Variants in UTP4 observed in about 807,000 individuals in gnomAD.
UTP4 encodes UTP4 small subunit processome component.
Under a neutral mutation model 82.4 loss-of-function variants are expected in UTP4, and 45 were observed. The ratio of observed to expected loss-of-function variants is 0.55; its 90% CI spans 0.43 to 0.70. The LOEUF (loss-of-function observed/expected upper bound fraction) is 0.70, where lower values mean the gene tolerates loss of function less well. UTP4 is among the 30% of genes least tolerant of loss of function. UTP4 has a pLI of 0.00. For synonymous variants in UTP4, 348 were observed against 300.3 expected, an observed-to-expected ratio of 1.16 and a Z score of -1.64; for missense variants, 819 against 858.3, an observed-to-expected ratio of 0.95 and a Z score of 0.57.
At chr16:69,141,882 CAATGTGCAG>C (rs1207584673) in intron 5 of UTP4, among the ~76,000 whole-genome samples, 1 of 151,444 alleles carries the variant, frequency 6.6e-6, no homozygotes, top group African/African-American at 2.4e-5. Flanking sequence ...TACATGTGCA[CAATGTGCAG>C]GTTAGTTACA....
At chr16:69,137,177 T>G (rs546480429) in intron 3 of UTP4, among the ~76,000 whole-genome samples, 142 of 152,338 alleles carry the variant, frequency 9.3e-4, no homozygotes, top group African/African-American at 3.3e-3. Flanking sequence ...GTTTGTTTTG[T>G]GTTTTATGGT....
At chr16:69,150,961 CT>C (rs1963247006) in intron 8 of UTP4, 57 bp downstream of exon 8, 4 of 1,331,578 alleles carry the variant, frequency 3.0e-6, no homozygotes, top group South Asian at 2.3e-5. Context: ...CTGTGTCCCC[CT>C]GTCCCACAAG....
At chr16:69,168,670 C>T (rs1963763626) in intron 16 of UTP4, 151 bp from the exon 17 acceptor site, 2 of 706,864 alleles carry the variant, frequency 2.8e-6, no homozygotes, top group South Asian at 1.6e-5. Flanking sequence ...ATTTTGAGTC[C>T]CAGGGCAGGA....
chr16:69,157,128 G>C lies in UTP4; in HGVS notation c.1332G>C (p.Leu444Phe). The C allele has an allele frequency of 1.2e-6, 2 of 1,614,160 alleles. No homozygotes were observed. The highest frequency in any genetic ancestry group is 1.7e-6 in the Non-Finnish European group (2 of 1,180,028). ...PAFLRSALQI[L>F]FSEDSTKLFV... ...TCCTTCGCTCTGCCCTTCAGATTTT[G>C]TTTTCTGAAGATTCAACAAAGCTCT... Residue 444 changes from leucine to phenylalanine, a missense_variant, in exon 12 of 17, where the codon TTG becomes TTC. Leu to Phe is a conservative substitution (Grantham distance 22). Transcript: ENST00000314423.
chr16:69,168,613 G>T (rs1356797548), intron 16 of UTP4, among the ~76,000 whole-genome samples: 1 of 151,906 alleles, frequency 6.6e-6, no homozygotes, highest in African/African-American at 2.4e-5. Context: ...AGGCAACATA[G>T]CAAGATCTCT....
intron 2 of UTP4, among the ~76,000 whole-genome samples, chr16:69,136,264 C>T (rs1317809813): frequency 6.6e-6 from 1 of 152,220 alleles, no homozygotes; most frequent in African/African-American, 2.4e-5. Flanking sequence ...TGCAGTGGCT[C>T]ACGCCTATAA....
rs1359608661 is a variant in UTP4 at position 69,133,488 on chromosome 16, G to A, written c.29G>A (p.Arg10His). MGEFKVHRV[R>H]FFNYVPSGIR... ...GGTGAATTTAAGGTCCATCGAGTAC[G>A]TTTCTTTAATTATGTTCCATCAGGA... The change falls in exon 2 of 17, where the codon CGT becomes CAT. Residue 10 changes from arginine (R) to histidine (H), a missense_variant. Physicochemically the swap from Arg to His is conservative, Grantham distance 29. Transcript: ENST00000314423. 5 of 1,614,010 alleles carry A rather than the reference G, an allele frequency of 3.1e-6. No homozygotes were observed. The highest frequency in any genetic ancestry group is 1.6e-4 in the Middle Eastern group (1 of 6,084).
chr16:69,166,582 C>T (rs1463296535), intron 15 of UTP4: 1 of 157,122 alleles, frequency 6.4e-6, no homozygotes, highest in Non-Finnish European at 1.4e-5. Context: ...TCAGTGACAT[C>T]AGCACAGGTG....
At chr16:69,134,393 G>A (rs1042864129) in intron 2 of UTP4, among the ~76,000 whole-genome samples, 7 of 151,852 alleles carry the variant, frequency 4.6e-5, no homozygotes, top group South Asian at 2.1e-4. Context: ...CTAACTTTAC[G>A]GAGCTCAAAG....
chr16:69,146,779 G>A (rs550016474), intron 6 of UTP4, among the ~76,000 whole-genome samples: 10 of 151,066 alleles, frequency 6.6e-5, no homozygotes, highest in Non-Finnish European at 1.5e-4. Flanking sequence ...GGTGGATCAC[G>A]AGGTCAGGAG....
At chr16:69,159,847 G>C (rs578148935) in intron 12 of UTP4, among the ~76,000 whole-genome samples, 1 of 152,178 alleles carries the variant, frequency 6.6e-6, no homozygotes, top group Non-Finnish European at 1.5e-5. Flanking sequence ...AATTAGCCAG[G>C]CATGGTGGTG....
chr16:69,139,737 T>C, intron 4 of UTP4, 88 bp from the exon 5 acceptor site: 1 of 839,140 alleles, frequency 1.2e-6, no homozygotes, highest in Admixed American at 1.7e-5. Context: ...TGTAGAACAC[T>C]CTAGAGATAG....
At position 69,143,232 on chromosome 16, in the gene UTP4, G is replaced by A. The variant is rs765653828; in HGVS notation, c.581G>A (p.Arg194Gln). ...AGGCAGTATATGGGCGTGTCTAAGCGGAAGTGCATCGTGTGGGGTGTCGCC... is the reference window on the plus strand; with the variant it reads ...AGGCAGTATATGGGCGTGTCTAAGCAGAAGTGCATCGTGTGGGGTGTCGCC... ...VDRQYMGVSK[R>Q]KCIVWGVAFL... Residue 194 changes from arginine (R) to glutamine (Q), a missense_variant, in exon 6 of 17, where the codon CGG (arginine) becomes CAG (glutamine). Transcript: ENST00000314423. 1.7e-5 allele frequency: 28 copies of A among 1,614,126 alleles called. No individual in the cohort carries two copies. The highest frequency in any genetic ancestry group is 2.7e-5 in the African/African-American group (2 of 74,940).
chr16:69,157,020 A>G, intron 11 of UTP4, 64 bp from the exon 12 acceptor site: 1 of 1,562,040 alleles, frequency 6.4e-7, no homozygotes. Flanking sequence ...CCTAGCTGTG[A>G]TTGTTTCTGA....
chr16:69,159,567 A>C (rs1295884407), intron 12 of UTP4, among the ~76,000 whole-genome samples: 2 of 152,096 alleles, frequency 1.3e-5, no homozygotes, highest in African/African-American at 4.8e-5. Context: ...GCACGCCTGT[A>C]GTCCCAGCTA....
chr16:69,158,887 A>C (rs1322213844), intron 12 of UTP4, among the ~76,000 whole-genome samples: 10 of 152,072 alleles, frequency 6.6e-5, no homozygotes, highest in Admixed American at 6.6e-4. Flanking sequence ...ATCACTGTCC[A>C]ATTTTTATCC....
intron 6 of UTP4, among the ~76,000 whole-genome samples, chr16:69,148,571 T>G (rs1439315946): frequency 6.6e-6 from 1 of 152,064 alleles, no homozygotes; most frequent in Non-Finnish European, 1.5e-5. Context: ...TATAGCTGTT[T>G]GAGTTCCTGC....
chr16:69,132,908 CT>C lies in UTP4; in HGVS notation c.-3+220del, dbSNP rs1962672042. 8 of 206,626 alleles carry C rather than the reference CT, an allele frequency of 3.9e-5. No homozygotes were observed. In the South Asian group the frequency reaches 5.0e-4, roughly 13 times the overall value. The allele number at this position is 206,626 out of a possible 1,614,324, so 12.8% of individuals were successfully genotyped here. On this transcript the variant is annotated intron_variant, in intron 1 of 16. Transcript: ENST00000314423. Reference sequence around the variant, plus strand: ...GCCCGACCGAACGCGCTTGCTCTGTCTGCGGGTTCCTAACCTTGAAGCTAGG... The same window carrying C: ...GCCCGACCGAACGCGCTTGCTCTGTCGCGGGTTCCTAACCTTGAAGCTAGG...
intron 13 of UTP4, among the ~76,000 whole-genome samples, chr16:69,162,332 C>T (rs1963584562): frequency 6.6e-6 from 1 of 150,926 alleles, no homozygotes; most frequent in Admixed American, 6.6e-5. Context: ...AATCCCAGCA[C>T]TTTGGGAGGC....
Sources: allele counts gnomAD v4.1 joint callset (sites outside exome capture counted in the v4.1 genomes callset), GRCh38; gene constraint gnomAD v4.1.1; transcripts MANE v1.5; gene names NCBI Gene and HGNC (gene_info 2026-07-23, HGNC 2026-07-21).